The following ATP11C variants were observed in gnomAD, a reference collection of about 807,000 sequenced individuals.
The protein encoded by ATP11C is phospholipid-transporting ATPase IG.
Under a neutral mutation model 97.4 loss-of-function variants are expected in ATP11C, and 36 were observed. The ratio of observed to expected loss-of-function variants is 0.37; its 90% CI spans 0.28 to 0.49. ATP11C has a LOEUF of 0.49. Among genes scored for constraint, ATP11C ranks in the 20% least tolerant of loss-of-function variants. The pLI is 0.98. For synonymous variants in ATP11C, 275 were observed against 290.9 expected, an observed-to-expected ratio of 0.95 and a Z score of 0.56; for missense variants, 730 against 824.6, an observed-to-expected ratio of 0.89 and a Z score of 1.40.
intron 1 of ATP11C, among the ~76,000 whole-genome samples, chrX:139,840,652 A>G (rs1004034907): frequency 1.8e-5 from 2 of 112,157 alleles, no homozygotes; most frequent in African/African-American, 6.5e-5. Context: ...AGAAGGGCCT[A>G]TCATCTGGCA....
intron 26 of ATP11C, among the ~76,000 whole-genome samples, chrX:139,741,479 G>A (rs1427940916): frequency 9.0e-6 from 1 of 111,005 alleles, no homozygotes; most frequent in Non-Finnish European, 1.9e-5. Flanking sequence ...CTAGCTGGTG[G>A]GGGCAGATAA....
At position 139,788,608 on chromosome X, in the gene ATP11C, C is replaced by A. The variant is rs749243423; in HGVS notation, c.1369-265G>T. 3.5e-4 allele frequency among the ~76,000 whole-genome samples: 39 copies of A among 111,949 alleles called. 1 individual carries two copies. The Admixed American group carries it at 3.5e-3, about 10-fold the overall frequency. The stretch of plus-strand genomic sequence containing the variant: ...GGCACCACCTAAGCCAAAGCAGTGA[C>A]TTCTTCATGGCCTAAAAAACTTCAT... On this transcript the variant is annotated intron_variant, in intron 13 of 29. Coordinates refer to ENST00000682941, the MANE Select transcript of ATP11C (RefSeq NM_001353812.2).
intron 1 of ATP11C, among the ~76,000 whole-genome samples, chrX:139,857,983 A>C (rs1603403260): frequency 8.9e-6 from 1 of 111,918 alleles, no homozygotes; most frequent in African/African-American, 3.3e-5. Context: ...TGATTAGGCC[A>C]TAAGGGCTCT....
intron 26 of ATP11C, among the ~76,000 whole-genome samples, chrX:139,742,438 C>A (rs1472239888): frequency 9.0e-6 from 1 of 111,197 alleles, no homozygotes; most frequent in Non-Finnish European, 1.9e-5. Flanking sequence ...ATGAATAAAG[C>A]AAACATATGT....
intron 5 of ATP11C, among the ~76,000 whole-genome samples, chrX:139,812,951 G>A (rs1219828299): frequency 8.9e-6 from 1 of 111,916 alleles, no homozygotes; most frequent in Non-Finnish European, 1.9e-5. Flanking sequence ...AAAAGAAAAA[G>A]TAGAAAAAGG....
At position 139,926,236 on chromosome X, in the gene ATP11C, C is replaced by T. The variant is rs367863802; in HGVS notation, c.27+5780G>A. Among the ~76,000 whole-genome samples, 3 of 111,532 alleles carry T rather than the reference C, an allele frequency of 2.7e-5. No homozygotes were observed. In the East Asian group the frequency reaches 8.4e-4, roughly 31 times the overall value. ...AAAACTCCCCCAGTCTCGAGGGTTC[C>T]AGATGTAAAAGGTTCATCTGTATAA... On this transcript the variant is annotated intron_variant, in intron 1 of 29. Coordinates refer to ENST00000682941, the MANE Select transcript of ATP11C (RefSeq NM_001353812.2).
chrX:139,919,061 C>T (rs1222080891), intron 1 of ATP11C, among the ~76,000 whole-genome samples: 2 of 111,017 alleles, frequency 1.8e-5, no homozygotes, highest in Non-Finnish European at 3.8e-5. Flanking sequence ...GCCAACATGG[C>T]GAAACCCTGT....
At chrX:139,849,951 G>C (rs759855471) in intron 1 of ATP11C, among the ~76,000 whole-genome samples, 2 of 111,719 alleles carry the variant, frequency 1.8e-5, no homozygotes, top group Non-Finnish European at 3.8e-5. Context: ...TTCCACCATG[G>C]GATGATGCAG....
intron 1 of ATP11C, among the ~76,000 whole-genome samples, chrX:139,889,291 T>A (rs1202893894): frequency 8.9e-6 from 1 of 111,748 alleles, no homozygotes; most frequent in African/African-American, 3.3e-5. Flanking sequence ...CCCAAAAGCA[T>A]TATGCCAAGT....
intron 1 of ATP11C, among the ~76,000 whole-genome samples, chrX:139,922,226 ATATATATAT>A (rs2085273611): frequency 2.4e-4 from 1 of 4,182 alleles, no homozygotes; most frequent in Non-Finnish European, 6.7e-4. Flanking sequence ...TTCTCTAAAT[ATATATATAT>A]ATATATATAT....
chrX:139,848,594 G>A (rs994076015), intron 1 of ATP11C, among the ~76,000 whole-genome samples: 8 of 109,726 alleles, frequency 7.3e-5, no homozygotes, highest in Non-Finnish European at 1.3e-4. Flanking sequence ...TGAACACCTG[G>A]GCTCAAGTGA....
chrX:139,800,649 G>C (rs771417720), intron 7 of ATP11C, among the ~76,000 whole-genome samples: 1 of 111,410 alleles, frequency 9.0e-6, no homozygotes, highest in East Asian at 2.8e-4. Flanking sequence ...CATAGTACTA[G>C]TCTTAGACAG....
At chrX:139,909,083 C>T (rs2085027913) in intron 1 of ATP11C, among the ~76,000 whole-genome samples, 1 of 111,787 alleles carries the variant, frequency 8.9e-6, no homozygotes, top group Non-Finnish European at 1.9e-5. Context: ...TCTGGGGGTA[C>T]TCAGTGACAG....
At chrX:139,862,041 C>A (rs2084208505) in intron 1 of ATP11C, among the ~76,000 whole-genome samples, 1 of 111,571 alleles carries the variant, frequency 9.0e-6, no homozygotes, top group Admixed American at 9.6e-5. Flanking sequence ...ACAGACAAGC[C>A]TTGCTGGGTT....
intron 5 of ATP11C, among the ~76,000 whole-genome samples, chrX:139,813,746 T>C (rs184053278): frequency 1.8e-5 from 2 of 111,226 alleles, no homozygotes; most frequent in Non-Finnish European, 3.8e-5. Flanking sequence ...CTGGTTACCA[T>C]GGGTTGGGGG....
intron 1 of ATP11C, among the ~76,000 whole-genome samples, chrX:139,874,610 T>C (rs1279088410): frequency 8.9e-6 from 1 of 111,959 alleles, no homozygotes; most frequent in African/African-American, 3.2e-5. Flanking sequence ...TATGGCGATA[T>C]GTGGGCCTTA....
rs187196017 is a variant in ATP11C at position 139,894,722 on chromosome X, G to A, written c.27+37294C>T. Among the ~76,000 whole-genome samples the A allele has an allele frequency of 3.6e-5, 4 of 111,685 alleles. No homozygotes were observed. The East Asian group carries it at 8.4e-4, about 24-fold the overall frequency. ...TTTGATCATTACACATTTTATGAAT[G>A]TATCAAAATATTACAGGTATCCCAA... On this transcript the variant is annotated intron_variant, in intron 1 of 29. Coordinates refer to ENST00000682941, the MANE Select transcript of ATP11C (RefSeq NM_001353812.2).
intron 1 of ATP11C, chrX:139,909,879 G>A (rs1403443649): frequency 1.8e-5 from 2 of 111,567 alleles, no homozygotes; most frequent in African/African-American, 6.5e-5. Flanking sequence ...AAGAGAAGTA[G>A]GAGTAAATAT....
At chrX:139,826,625 A>G in intron 2 of ATP11C, 79 bp downstream of exon 2, 1 of 884,396 alleles carries the variant, frequency 1.1e-6, no homozygotes, top group Non-Finnish European at 1.6e-6. Context: ...TAAATGCATC[A>G]GTTTCCTCAG....
Sources: gnomAD v4.1 joint callset for allele counts (sites outside exome capture counted in the v4.1 genomes callset) on GRCh38, gnomAD v4.1.1 for gene constraint, MANE v1.5 for transcripts, NCBI Gene and HGNC (gene_info 2026-07-23, HGNC 2026-07-21) for gene names.